SMYD1: variants seen among roughly 807,000 people sequenced by gnomAD.
The protein encoded by SMYD1 is histone-lysine N-methyltransferase SMYD1.
In SMYD1, 49 loss-of-function variants were observed where a neutral mutation model predicts 54.0. The observed-to-expected ratio is 0.91, with a 90% CI of 0.72 to 1.15. The LOEUF (loss-of-function observed/expected upper bound fraction) is 1.15. Among genes scored for constraint, SMYD1 ranks in the 50% most tolerant of loss-of-function variants. The pLI is 0.00. For synonymous variants in SMYD1, 269 were observed against 234.2 expected (o/e 1.15, Z -1.36); for missense variants, 653 against 639.6 (o/e 1.02, Z -0.23).
In SMYD1 at chr2:88,112,695, A is replaced by C. The variant is rs1675056102; in HGVS notation, c.*2183A>C. ...AAGGGCTCTTACCAAGATCAAATCT[A>C]ATGGGTACATTTTAGTTCCTATGTG... On this transcript the variant is annotated 3_prime_UTR_variant, in exon 10 of 10. Transcript: ENST00000419482. 6.5e-6 allele frequency: 1 copy of C among 154,248 alleles called. No individual in the cohort carries two copies. Among genetic ancestry groups the C allele is most frequent in the Admixed American group, 6.3e-5 (1 of 15,802 alleles). The allele number at this position is 154,248 out of a possible 1,614,324, so 9.6% of individuals were successfully genotyped here.
chr2:88,110,227 G>GTGTA, intron 9 of SMYD1, 127 bp from the exon 10 acceptor site: 1 of 905,182 alleles, frequency 1.1e-6, no homozygotes, highest in East Asian at 2.7e-5. Context: ...GTGTGTGTGT[G>GTGTA]TGTGTGTATT....
chr2:88,069,895 G>A (rs555114753), intron 1 of SMYD1, among the ~76,000 whole-genome samples: 1 of 152,020 alleles, frequency 6.6e-6, no homozygotes, highest in Non-Finnish European at 1.5e-5. Context: ...TAAGGGCTAC[G>A]TCTTCTTCTA....
chr2:88,103,132 C>T lies in SMYD1; in HGVS notation c.963C>T (p.Ser321=), dbSNP rs61748138. Residue 321 remains serine (S), a synonymous_variant, in exon 7 of 10, where the codon TCC becomes TCT. Coordinates refer to ENST00000419482, the MANE Select transcript of SMYD1 (RefSeq NM_198274.4). ...TGGAAAAGATAGACAAGGCTCGTTCCGAGGGTTTGTATCATGAGGTAAGAA... is the reference window on the plus strand; with the variant it reads ...TGGAAAAGATAGACAAGGCTCGTTCTGAGGGTTTGTATCATGAGGTAAGAA... The part of the protein sequence containing the change: ...DTLEKIDKAR[S]EGLYHEVVKL... 6.2e-6 allele frequency: 10 copies of T among 1,612,932 alleles called. No homozygotes were observed. The highest frequency in any genetic ancestry group is 2.2e-5 in the South Asian group (2 of 91,030).
At chr2:88,107,171 A>G (rs1287306336) in intron 8 of SMYD1, among the ~76,000 whole-genome samples, 1 of 152,062 alleles carries the variant, frequency 6.6e-6, no homozygotes, top group Non-Finnish European at 1.5e-5. Flanking sequence ...ACTGCACTCC[A>G]GCCTGGGCGA....
chr2:88,111,956 T>A lies in SMYD1; in HGVS notation c.*1444T>A, dbSNP rs1262436251. ...ACGTTTGTTATCTCTGCCTAAATGTTAGCTTCTCCATCCTCACCACATGAT... is the reference window on the plus strand; with the variant it reads ...ACGTTTGTTATCTCTGCCTAAATGTAAGCTTCTCCATCCTCACCACATGAT... On this transcript the variant is annotated 3_prime_UTR_variant, in exon 10 of 10. Coordinates refer to ENST00000419482, the MANE Select transcript of SMYD1 (RefSeq NM_198274.4). 1 of 665,572 alleles carries A rather than the reference T, an allele frequency of 1.5e-6. No homozygotes were observed. Among genetic ancestry groups the A allele is most frequent in the Non-Finnish European group, 2.7e-6 (1 of 365,238 alleles). The allele number at this position is 665,572 out of a possible 1,614,324, so 41.2% of individuals were successfully genotyped here.
At chr2:88,105,367 G>A (rs142081974) in intron 7 of SMYD1, among the ~76,000 whole-genome samples, 7 of 121,784 alleles carry the variant, frequency 5.7e-5, no homozygotes, top group East Asian at 2.9e-4. Context: ...GTATATATGC[G>A]CATGCATATA....
chr2:88,107,909 G>T (rs1171708755), intron 8 of SMYD1, among the ~76,000 whole-genome samples: 1 of 152,226 alleles, frequency 6.6e-6, no homozygotes, highest in Admixed American at 6.5e-5. Context: ...GTCATGCCTT[G>T]CCCTGCTTCG....
chr2:88,096,703 G>T lies in SMYD1; in HGVS notation c.807G>T (p.Gln269His). 1 of 1,614,230 alleles carries T rather than the reference G, an allele frequency of 6.2e-7. No individual in the cohort carries two copies. The highest frequency in any genetic ancestry group is 1.6e-4 in the Middle Eastern group (1 of 6,062). ...SEERKRQLKK[Q>H]YYFDCTCEHC... ...AACGCAAGAGGCAGCTGAAGAAGCAGTACTACTTTGACTGCACATGTGAAC... is the reference window on the plus strand; with the variant it reads ...AACGCAAGAGGCAGCTGAAGAAGCATTACTACTTTGACTGCACATGTGAAC... Residue 269 changes from glutamine (Q) to histidine (H), a missense_variant, in exon 6 of 10, where the codon CAG (glutamine) becomes CAT (histidine). Coordinates refer to ENST00000419482, the MANE Select transcript of SMYD1 (RefSeq NM_198274.4).
At chr2:88,086,306 G>T (rs555896708) in intron 2 of SMYD1, among the ~76,000 whole-genome samples, 1 of 152,226 alleles carries the variant, frequency 6.6e-6, no homozygotes, top group African/African-American at 2.4e-5. Context: ...CCTGTGCTTT[G>T]CCCAGCAGAT....
Position 88,112,267 on chromosome 2 carries a change from C to T in SMYD1, c.*1755C>T. Reference sequence around the variant, plus strand: ...TTCCCTTCTTTGTCATTGTTATCTGCTAAGCCCCTGGTCATTTCCCCATAT... The same window carrying T: ...TTCCCTTCTTTGTCATTGTTATCTGTTAAGCCCCTGGTCATTTCCCCATAT... On this transcript the variant is annotated 3_prime_UTR_variant, in exon 10 of 10. Transcript: ENST00000419482. 2 of 662,442 alleles carry T rather than the reference C, an allele frequency of 3.0e-6. No homozygotes were observed. Among genetic ancestry groups the T allele is most frequent in the Middle Eastern group, 2.4e-4 (1 of 4,178 alleles). 41.0% of individuals were successfully genotyped at this position (662,442 alleles called of 1,614,324 possible). A position where few individuals can be genotyped will look rare whatever the true frequency, so the allele number is the denominator to read the frequency against.
chr2:88,102,490 AG>A (rs1284593994), intron 6 of SMYD1, among the ~76,000 whole-genome samples: 1 of 152,222 alleles, frequency 6.6e-6, no homozygotes, highest in African/African-American at 2.4e-5. Context: ...AAGGAAATAC[AG>A]GCTGGATGCT....
At chr2:88,068,611 G>GTTT (rs201974675) in intron 1 of SMYD1, among the ~76,000 whole-genome samples, 13 of 136,638 alleles carry the variant, frequency 9.5e-5, no homozygotes, top group African/African-American at 2.6e-4. Flanking sequence ...AGTCTGTCTG[G>GTTT]TTTTTTTTTT....
intron 7 of SMYD1, 32 bp from the exon 8 acceptor site, chr2:88,106,293 T>A: frequency 6.2e-7 from 1 of 1,608,658 alleles, no homozygotes; most frequent in East Asian, 2.2e-5. Flanking sequence ...TCTGGTGCAA[T>A]GGTAATGGGC....
At chr2:88,089,024 G>C (rs1443588159) in intron 3 of SMYD1, among the ~76,000 whole-genome samples, 1 of 152,154 alleles carries the variant, frequency 6.6e-6, no homozygotes, top group Non-Finnish European at 1.5e-5. Flanking sequence ...TCACCATATT[G>C]GGGGGCAAAG....
In SMYD1 at chr2:88,112,486, A is replaced by G. The variant is rs2104023657; in HGVS notation, c.*1974A>G. ...ATCTATTATTGCTTCTCCATCCTGG[A>G]TCCTTGACATTTGTCACCCCACTGG... On this transcript the variant is annotated 3_prime_UTR_variant, in exon 10 of 10. Transcript: ENST00000419482. 3.7e-6 allele frequency: 1 copy of G among 270,170 alleles called. No homozygotes were observed. Among genetic ancestry groups the G allele is most frequent in the Middle Eastern group, 1.2e-3 (1 of 834 alleles). The allele number at this position is 270,170 out of a possible 1,614,324, so 16.7% of individuals were successfully genotyped here.
intron 4 of SMYD1, among the ~76,000 whole-genome samples, 197 bp downstream of exon 4, chr2:88,091,339 C>G (rs1356109127): frequency 6.6e-6 from 1 of 152,172 alleles, no homozygotes; most frequent in Non-Finnish European, 1.5e-5. Flanking sequence ...AGAATTCAAC[C>G]TGGGTCATTT....
intron 8 of SMYD1, among the ~76,000 whole-genome samples, 175 bp from the exon 9 acceptor site, chr2:88,108,196 G>A (rs1251578913): frequency 6.6e-6 from 1 of 152,196 alleles, no homozygotes; most frequent in Non-Finnish European, 1.5e-5. Context: ...AGAATGTTTG[G>A]CAACTTGTTC....
intron 1 of SMYD1, among the ~76,000 whole-genome samples, chr2:88,071,244 G>A (rs992555413): frequency 5.3e-5 from 8 of 152,174 alleles, no homozygotes; most frequent in African/African-American, 1.2e-4. Flanking sequence ...GATACATGAG[G>A]TGTGTATCAC....
At chr2:88,093,355 T>C (rs1213308822) in intron 4 of SMYD1, among the ~76,000 whole-genome samples, 162 bp from the exon 5 acceptor site, 1 of 152,212 alleles carries the variant, frequency 6.6e-6, no homozygotes, top group East Asian at 1.9e-4. Flanking sequence ...TACTAGGCTG[T>C]GTCTTGTCCA....
Sources: gnomAD v4.1 joint callset for allele counts (sites outside exome capture counted in the v4.1 genomes callset) on GRCh38, gnomAD v4.1.1 for gene constraint, MANE v1.5 for transcripts, NCBI Gene and HGNC (gene_info 2026-07-23, HGNC 2026-07-21) for gene names.